PPM1H: variants seen among roughly 807,000 people sequenced by gnomAD.
PPM1H encodes protein phosphatase, Mg2+/Mn2+ dependent 1H.
PPM1H carries 27 observed loss-of-function variants against 54.9 expected under a neutral mutation model. The observed-to-expected ratio is 0.49, with a 90% confidence interval of 0.36 to 0.68. The LOEUF (loss-of-function observed/expected upper bound fraction) is 0.68. Among genes scored for constraint, PPM1H ranks in the 30% least tolerant of loss-of-function variants. The probability of loss-of-function intolerance (pLI) is 0.00; values close to 1 mark genes in which losing one functional copy is unlikely to be tolerated. For missense variants in PPM1H, 596 were observed against 667.8 expected, an observed-to-expected ratio of 0.89 and a Z score of 1.19; for synonymous variants, 305 against 270.8, an observed-to-expected ratio of 1.13 and a Z score of -1.24.
chr12:62,855,510 G>T (rs1297599506), intron 1 of PPM1H, among the ~76,000 whole-genome samples: 1 of 152,238 alleles, frequency 6.6e-6, no homozygotes, highest in South Asian at 2.1e-4. Flanking sequence ...TGCCAAAAGC[G>T]CTAAGGTTTC....
At chr12:62,852,657 T>C (rs1869239387) in intron 1 of PPM1H, among the ~76,000 whole-genome samples, 1 of 152,250 alleles carries the variant, frequency 6.6e-6, no homozygotes, top group South Asian at 2.1e-4. Context: ...CCACAGATGC[T>C]AAATCTCTTA....
chr12:62,667,558 C>A (rs534513965), intron 8 of PPM1H, among the ~76,000 whole-genome samples: 1 of 152,074 alleles, frequency 6.6e-6, no homozygotes. Context: ...TGAGCCTAAG[C>A]GGTGGGCTTA....
At chr12:62,732,927 A>T (rs1431241032) in intron 5 of PPM1H, among the ~76,000 whole-genome samples, 1 of 152,234 alleles carries the variant, frequency 6.6e-6, no homozygotes, top group Non-Finnish European at 1.5e-5. Flanking sequence ...GTTAAGGAAG[A>T]TGATACAACT....
intron 4 of PPM1H, chr12:62,755,297 C>G: frequency 3.8e-6 from 4 of 1,054,420 alleles, no homozygotes; most frequent in Non-Finnish European, 5.8e-6. Flanking sequence ...GTTTTTAACT[C>G]TGGTAAAGTG....
In PPM1H at chr12:62,645,725, T is replaced by TAAAG. The variant is rs1205949637; in HGVS notation, c.*2760_*2763dup. 2 of 152,156 alleles carry TAAAG rather than the reference T, an allele frequency of 1.3e-5. No homozygotes were observed. The highest frequency in any genetic ancestry group is 2.4e-5 in the African/African-American group (1 of 41,424). The allele number at this position is 152,156 out of a possible 1,614,324, so 9.4% of individuals were successfully genotyped here. On this transcript the variant is annotated 3_prime_UTR_variant, in exon 10 of 10. Transcript: ENST00000228705. ...AGCCACACACCCCTCGAGACAACCATAAAGACTTGACTAGGAAATCAAAAG... is the reference window on the plus strand; with the variant it reads ...AGCCACACACCCCTCGAGACAACCATAAAGAAAGACTTGACTAGGAAATCAAAAG...
chr12:62,658,917 G>A (rs542138929), intron 9 of PPM1H: 43 of 672,864 alleles, frequency 6.4e-5, no homozygotes, highest in Middle Eastern at 2.8e-4. Flanking sequence ...AAAATTAAGC[G>A]TAACTGGCAG....
At chr12:62,716,808 G>T (rs564582274) in intron 6 of PPM1H, among the ~76,000 whole-genome samples, 1 of 152,198 alleles carries the variant, frequency 6.6e-6, no homozygotes, top group South Asian at 2.1e-4. Context: ...AGGATTATGG[G>T]CATCAGCCAC....
intron 2 of PPM1H, among the ~76,000 whole-genome samples, chr12:62,817,152 T>TAAAA (rs2076873724): frequency 4.4e-4 from 28 of 63,106 alleles, no homozygotes; most frequent in African/African-American, 5.2e-4. Flanking sequence ...AAAAAAAAAC[T>TAAAA]AAAAAAAAGA....
chr12:62,892,725 T>A (rs541585230), intron 1 of PPM1H, among the ~76,000 whole-genome samples: 2 of 152,318 alleles, frequency 1.3e-5, no homozygotes, highest in East Asian at 3.9e-4. Flanking sequence ...TGACTTATCA[T>A]TGCCATCTAG....
intron 1 of PPM1H, among the ~76,000 whole-genome samples, chr12:62,891,123 A>AAAAAG (rs1204593534): frequency 3.3e-5 from 5 of 151,700 alleles, no homozygotes; most frequent in African/African-American, 1.2e-4. Context: ...AAAAAAAAAA[A>AAAAAG]AAGACTTGGC....
chr12:62,732,277 A>G (rs1345379465), intron 5 of PPM1H, among the ~76,000 whole-genome samples: 1 of 152,188 alleles, frequency 6.6e-6, no homozygotes, highest in African/African-American at 2.4e-5. Context: ...AGAGAGCCAC[A>G]TGAAGGGCCC....
intron 9 of PPM1H, chr12:62,658,916 C>T (rs750359742): frequency 2.5e-5 from 17 of 671,040 alleles, no homozygotes; most frequent in South Asian, 4.1e-5. Flanking sequence ...CAAAATTAAG[C>T]GTAACTGGCA....
intron 4 of PPM1H, among the ~76,000 whole-genome samples, chr12:62,767,211 G>A (rs2076549264): frequency 6.6e-6 from 1 of 152,186 alleles, no homozygotes; most frequent in South Asian, 2.1e-4. Context: ...ACATCGGGAT[G>A]TGAGTGGATG....
chr12:62,783,931 G>A (rs1218583026), intron 4 of PPM1H, among the ~76,000 whole-genome samples: 1 of 152,208 alleles, frequency 6.6e-6, no homozygotes, highest in Non-Finnish European at 1.5e-5. Flanking sequence ...TTCCTAAACT[G>A]AAGAATCAGT....
intron 9 of PPM1H, among the ~76,000 whole-genome samples, chr12:62,663,613 C>T (rs1223177825): frequency 6.6e-6 from 1 of 152,194 alleles, no homozygotes. Context: ...ATAAAAACAC[C>T]ATTGGTATTA....
At chr12:62,895,935 C>G (rs1171068783) in intron 1 of PPM1H, among the ~76,000 whole-genome samples, 1 of 152,046 alleles carries the variant, frequency 6.6e-6, no homozygotes, top group African/African-American at 2.4e-5. Context: ...TCCTTTATAA[C>G]AAAATAAATA....
At chr12:62,727,838 T>C (rs1194701544) in intron 5 of PPM1H, among the ~76,000 whole-genome samples, 1 of 151,868 alleles carries the variant, frequency 6.6e-6, no homozygotes, top group Non-Finnish European at 1.5e-5. Flanking sequence ...TTTTGGTATT[T>C]TTAGTAGAGA....
intron 5 of PPM1H, among the ~76,000 whole-genome samples, chr12:62,732,646 A>T (rs1331636837): frequency 1.3e-5 from 2 of 149,098 alleles, no homozygotes; most frequent in African/African-American, 5.0e-5. Context: ...ATCTCAGCTC[A>T]CTGCAAGTTC....
intron 2 of PPM1H, among the ~76,000 whole-genome samples, chr12:62,831,701 G>A (rs1868359915): frequency 8.1e-6 from 1 of 123,920 alleles, no homozygotes; most frequent in Non-Finnish European, 1.8e-5. Flanking sequence ...CAAACATTGT[G>A]TGTGTATGTG....
Sources: allele counts gnomAD v4.1 joint callset (sites outside exome capture counted in the v4.1 genomes callset), GRCh38; gene constraint gnomAD v4.1.1; transcripts MANE v1.5; gene names NCBI Gene and HGNC (gene_info 2026-07-23, HGNC 2026-07-21).